LGR4: variants seen among roughly 807,000 people sequenced by gnomAD.
The protein encoded by LGR4 is leucine-rich repeat-containing G protein-coupled receptor 4.
Under a neutral mutation model 84.8 loss-of-function variants are expected in LGR4, and 44 were observed. That is an observed-to-expected ratio of 0.52 (90% CI 0.41 to 0.67). LGR4 has a LOEUF of 0.67. Among genes scored for constraint, LGR4 ranks in the 30% least tolerant of loss-of-function variants. The pLI, the probability that LGR4 is intolerant of heterozygous loss-of-function variation, is 0.00. For missense variants in LGR4, 1,032 were observed against 1,131.4 expected, an observed-to-expected ratio of 0.91 and a Z score of 1.26; for synonymous variants, 429 against 434.3, an observed-to-expected ratio of 0.99 and a Z score of 0.15.
Position 27,378,392 on chromosome 11 carries a change from A to C in LGR4, c.1043+305T>G, listed in dbSNP as rs1590346112. Among the ~76,000 whole-genome samples the C allele has an allele frequency of 2.0e-5, 3 of 152,164 alleles. No individual in the cohort carries two copies. The South Asian group carries it at 6.2e-4, about 32-fold the overall frequency. On this transcript the variant is annotated intron_variant, in intron 11 of 17. Transcript: ENST00000379214. Reference sequence around the variant, plus strand: ...TGAAAGAAGGAGACTATGAGGAGAGATACCCCTGGAGAAACTAGAATAAAG... The same window carrying C: ...TGAAAGAAGGAGACTATGAGGAGAGCTACCCCTGGAGAAACTAGAATAAAG...
At chr11:27,374,510 T>TA (rs555078491) in intron 13 of LGR4, among the ~76,000 whole-genome samples, 3 of 152,094 alleles carry the variant, frequency 2.0e-5, no homozygotes, top group Non-Finnish European at 4.4e-5. Context: ...GGGCTGCAGA[T>TA]ACCCTTCTTT....
chr11:27,429,424 A>G (rs1402486476), intron 1 of LGR4, among the ~76,000 whole-genome samples: 1 of 151,570 alleles, frequency 6.6e-6, no homozygotes, highest in Non-Finnish European at 1.5e-5. Context: ...CGGAGGTTGC[A>G]GTGGGCTGAG....
At chr11:27,371,240 A>C (rs1287334749) in intron 17 of LGR4, among the ~76,000 whole-genome samples, 1 of 152,244 alleles carries the variant, frequency 6.6e-6, no homozygotes, top group African/African-American at 2.4e-5. Flanking sequence ...AGTTCAATGA[A>C]GTAAATGAGG....
chr11:27,438,849 G>A (rs939179822), intron 1 of LGR4, among the ~76,000 whole-genome samples: 1 of 152,036 alleles, frequency 6.6e-6, no homozygotes, highest in Non-Finnish European at 1.5e-5. Flanking sequence ...AGCTCTCCCG[G>A]GTCCCAGGCC....
intron 1 of LGR4, among the ~76,000 whole-genome samples, chr11:27,463,845 A>G (rs1864728704): frequency 6.6e-6 from 1 of 152,190 alleles, no homozygotes; most frequent in Non-Finnish European, 1.5e-5. Context: ...TATTAAATTC[A>G]TTTAATGTTC....
chr11:27,447,103 G>A lies in LGR4; in HGVS notation c.185+25015C>T, dbSNP rs1366690517. Among the ~76,000 whole-genome samples, 3 of 152,132 alleles carry A rather than the reference G, an allele frequency of 2.0e-5. No homozygotes were observed. In the East Asian group the frequency reaches 5.8e-4, roughly 29 times the overall value. ...TAATGTAAACGACAAGTTAACGGGT[G>A]CAGCACACCAACATGGCACATGTAT... On this transcript the variant is annotated intron_variant, in intron 1 of 17. Coordinates refer to ENST00000379214, the MANE Select transcript of LGR4 (RefSeq NM_018490.5).
intron 10 of LGR4, chr11:27,379,049 A>G: frequency 2.4e-6 from 1 of 411,836 alleles, no homozygotes; most frequent in South Asian, 4.0e-5. Context: ...ACAGTCACAC[A>G]GTCTGATCAC....
At chr11:27,383,238 T>C (rs939058591) in intron 6 of LGR4, among the ~76,000 whole-genome samples, 1 of 152,204 alleles carries the variant, frequency 6.6e-6, no homozygotes, top group African/African-American at 2.4e-5. Context: ...GCATGATTGA[T>C]TTCAGAATGA....
Position 27,392,511 on chromosome 11 carries a change from C to G in LGR4, c.265G>C (p.Ala89Pro). Residue 89 changes from alanine to proline, a missense_variant, in exon 3 of 18, where the codon GCG (alanine) becomes CCG (proline). Physicochemically the swap from Ala to Pro is conservative, Grantham distance 27 (BLOSUM62 -1). Transcript: ENST00000379214. ...NFPFLEELQL[A>P]GNDLSFIHPK... ...TGGATAAAAGAAAGGTCGTTGCCCG[C>G]CAATTGTCTAGAGAAAAAAAAAAAA... The G allele has an allele frequency of 6.4e-7, 1 of 1,572,482 alleles. No individual in the cohort carries two copies. The highest frequency in any genetic ancestry group is 8.6e-7 in the Non-Finnish European group (1 of 1,164,208).
chr11:27,436,375 G>A (rs10682413), intron 1 of LGR4, among the ~76,000 whole-genome samples: 16 of 80,866 alleles, frequency 2.0e-4, no homozygotes, highest in African/African-American at 3.0e-4. Flanking sequence ...GAAAGAAAGA[G>A]AGAGAGAGAG....
rs762561065 is a variant in LGR4, at chr11:27,391,112, A to T, written c.383T>A (p.Leu128Gln). The change falls in exon 4 of 18, where the codon CTG becomes CAG. Residue 128 changes from leucine (L) to glutamine (Q), a missense_variant. Physicochemically the swap from Leu to Gln is moderately radical, Grantham distance 113. Coordinates refer to ENST00000379214, the MANE Select transcript of LGR4 (RefSeq NM_018490.5). ...KTVPSEAIRG[L>Q]SALQSLRLDA... ...TACTTACAAAGACTGCAAAGCACTC[A>T]GCCCTCGAATGGCTTCACTGGGTAC... The T allele has an allele frequency of 6.2e-7, 1 of 1,608,460 alleles. No individual in the cohort carries two copies. Among genetic ancestry groups the T allele is most frequent in the Non-Finnish European group, 8.5e-7 (1 of 1,176,704 alleles).
chr11:27,393,661 C>A (rs1450719359), intron 2 of LGR4, among the ~76,000 whole-genome samples: 2 of 152,010 alleles, frequency 1.3e-5, no homozygotes, highest in Non-Finnish European at 2.9e-5. Flanking sequence ...TTCATTAATT[C>A]ATTCATTAAT....
At chr11:27,463,409 G>T (rs1204293746) in intron 1 of LGR4, among the ~76,000 whole-genome samples, 1 of 152,130 alleles carries the variant, frequency 6.6e-6, no homozygotes, top group Non-Finnish European at 1.5e-5. Context: ...ATAAATAGCA[G>T]AAATAGCAGA....
intron 5 of LGR4, among the ~76,000 whole-genome samples, chr11:27,384,877 ACT>A (rs1410868121): frequency 1.3e-5 from 2 of 152,096 alleles, no homozygotes; most frequent in African/African-American, 4.8e-5. Context: ...TGCATCACAT[ACT>A]CTCTGAACAA....
intron 2 of LGR4, among the ~76,000 whole-genome samples, chr11:27,405,837 A>C (rs1268863984): frequency 6.6e-6 from 1 of 152,014 alleles, no homozygotes; most frequent in African/African-American, 2.4e-5. Context: ...TGCCAGTGGC[A>C]TTTTCATTTC....
At chr11:27,444,355 G>T (rs1864352714) in intron 1 of LGR4, among the ~76,000 whole-genome samples, 1 of 152,114 alleles carries the variant, frequency 6.6e-6, no homozygotes, top group Non-Finnish European at 1.5e-5. Flanking sequence ...GAATAAAACT[G>T]CAAGCAGCCA....
intron 1 of LGR4, among the ~76,000 whole-genome samples, chr11:27,441,279 A>T (rs1242104600): frequency 1.3e-5 from 2 of 152,188 alleles, no homozygotes; most frequent in African/African-American, 2.4e-5. Context: ...TTCTCCTGTC[A>T]AAGTTCCATT....
chr11:27,452,406 T>C (rs1864495162), intron 1 of LGR4, among the ~76,000 whole-genome samples: 1 of 152,082 alleles, frequency 6.6e-6, no homozygotes, highest in African/African-American at 2.4e-5. Flanking sequence ...CAACACTATT[T>C]ACTAAAGCTA....
intron 1 of LGR4, 36 bp downstream of exon 1, chr11:27,472,080 TCC>T: frequency 8.5e-7 from 1 of 1,175,526 alleles, no homozygotes; most frequent in Non-Finnish European, 1.1e-6. Context: ...GGGCCCCGTT[TCC>T]TCCCCCCCCC....
Sources: allele counts gnomAD v4.1 joint callset (sites outside exome capture counted in the v4.1 genomes callset), GRCh38; gene constraint gnomAD v4.1.1; transcripts MANE v1.5; gene names NCBI Gene and HGNC (gene_info 2026-07-23, HGNC 2026-07-21).